Variants in RECQL4 observed in about 807,000 individuals in gnomAD.
RECQL4 encodes RecQ like helicase 4.
Under a neutral mutation model 128.6 loss-of-function variants are expected in RECQL4, and 158 were observed. The ratio of observed to expected loss-of-function variants is 1.23; its 90% CI spans 1.08 to 1.40. The LOEUF is 1.40. RECQL4 is among the 40% of genes most tolerant of loss of function. The pLI is 0.00. For synonymous variants in RECQL4, 996 were observed against 678.9 expected (o/e 1.47, Z -7.26); for missense variants, 2,293 against 1,649.8 (o/e 1.39, Z -6.75).
chr8:144,513,820 CGGTGGGGAGTGAGAAGGGGTCGGCG>C, intron 12 of RECQL4, 83 bp downstream of exon 12: 2 of 1,281,694 alleles, frequency 1.6e-6, no homozygotes, highest in African/African-American at 3.2e-5. Context: ...TCGGCGTGGG[CGGTGGGGAGTGAGAAGGGGTCGGCG>C]TGGGCGGTGG....
rs770042938 is a variant in RECQL4, at chr8:144,515,727, T to C, written c.1258+37A>G. 1.4e-5 allele frequency: 22 copies of C among 1,607,674 alleles called. No individual in the cohort carries two copies. The South Asian group carries it at 1.4e-4, about 11-fold the overall frequency. ...AAAGAGCACTGCGCCCTCTCCACAG[T>C]GTTGGCCGGACCCACCCTCCAGGGC... On this transcript the variant is annotated intron_variant, in intron 6 of 20. Transcript: ENST00000617875.
In RECQL4 at chr8:144,516,039, C is replaced by G. The variant is rs768049351; in HGVS notation, c.1080G>C (p.Gln360His). 1 of 1,612,174 alleles carries G rather than the reference C, an allele frequency of 6.2e-7. No individual in the cohort carries two copies. The highest frequency in any genetic ancestry group is 1.1e-5 in the South Asian group (1 of 91,084). The change falls in exon 5 of 21, where the codon CAG becomes CAC. Residue 360 changes from glutamine to histidine, a missense_variant. Gln to His is a conservative substitution (Grantham distance 24). Coordinates refer to ENST00000617875, the MANE Select transcript of RECQL4 (RefSeq NM_004260.4). Reference sequence around the variant, plus strand: ...GTGCCCGGCCCCGCACGTAGTGTTTCTGCTTCATGTTGAGCCGTACGTAAT... The same window carrying G: ...GTGCCCGGCCCCGCACGTAGTGTTTGTGCTTCATGTTGAGCCGTACGTAAT... ...RGNYVRLNMK[Q>H]KHYVRGRALR...
chr8:144,512,995 AC>A lies in RECQL4; in HGVS notation c.2606del (p.Gly869ValfsTer79). On this transcript the variant is annotated frameshift_variant, in exon 15 of 21. Coordinates refer to ENST00000617875, the MANE Select transcript of RECQL4 (RefSeq NM_004260.4). LOFTEE classifies it high-confidence loss of function. ...GGTACTTGGGCACAGGCCTCTCCCCACCCACGGCCCCTTCCTGCTCCGAGGG... is the reference window on the plus strand; with the variant it reads ...GGTACTTGGGCACAGGCCTCTCCCCACCACGGCCCCTTCCTGCTCCGAGGG... ...RPPSEQEGAV[G>X]GERPVPKYPP... is the part of the protein sequence containing the mutation. 6.4e-7 allele frequency: 1 copy of A among 1,570,126 alleles called. No homozygotes were observed. The highest frequency in any genetic ancestry group is 8.6e-7 in the Non-Finnish European group (1 of 1,158,382).
rs773155492 is a variant in RECQL4 at position 144,513,477 on chromosome 8, C to A, written c.2204G>T (p.Arg735Leu). 6.2e-7 allele frequency: 1 copy of A among 1,609,834 alleles called. No individual in the cohort carries two copies. The highest frequency in any genetic ancestry group is 8.5e-7 in the Non-Finnish European group (1 of 1,179,778). Residue 735 changes from arginine (R) to leucine (L), a missense_variant, in exon 14 of 21, where the codon CGT becomes CTT. Physicochemically the swap from Arg to Leu is moderately radical, Grantham distance 102. Coordinates refer to ENST00000617875, the MANE Select transcript of RECQL4 (RefSeq NM_004260.4). ...GGCCTCGGCTGTGGTTTTGGGGGCA[C>A]GACCTTTGGGGAAGACAGGCAGATG... ...HAAWVPGSGGRAPKTTAEAYH... is the reference protein window; with the variant it reads ...HAAWVPGSGGLAPKTTAEAYH...
chr8:144,514,475 C>A lies in RECQL4; in HGVS notation c.1671G>T (p.Met557Ile). ...CLKAACIHSG[M>I]TRKQRESVLQ... ...GGACAGATTCCCGTTGCTTCCTGGT[C>A]ATGCCCGAGTGTATGCAGGCCGCCT... The change falls in exon 10 of 21, where the codon ATG becomes ATT. Residue 557 changes from methionine (M) to isoleucine (I), a missense_variant. Met to Ile is a conservative substitution (Grantham distance 10). Transcript: ENST00000617875. 6.2e-7 allele frequency: 1 copy of A among 1,612,338 alleles called. No individual in the cohort carries two copies. Among genetic ancestry groups the A allele is most frequent in the South Asian group, 1.1e-5 (1 of 90,996 alleles).
At chr8:144,515,615 C>T (rs1828043531) in intron 6 of RECQL4, 149 bp downstream of exon 6, 1 of 1,437,716 alleles carries the variant, frequency 7.0e-7, no homozygotes, top group Non-Finnish European at 9.5e-7. Flanking sequence ...CATCGTCGTC[C>T]CTGCCACCCT....
intron 3 of RECQL4, 80 bp downstream of exon 3, chr8:144,517,334 G>T: frequency 1.4e-6 from 2 of 1,473,492 alleles, no homozygotes; most frequent in Non-Finnish European, 9.1e-7. Flanking sequence ...CCCCACGGCG[G>T]CCTGGCCGCG....
rs757835027 is a variant in RECQL4, at chr8:144,512,137, T to C, written c.3236+7A>G. ...ATGGTCCCAGGCCCCGCCCGCCTCC[T>C]CCCAACCTGTGAAAGGCCTGGAAGG... On this transcript the variant is annotated splice_region_variant and intron_variant, in intron 18 of 20. Transcript: ENST00000617875. 5 of 1,605,032 alleles carry C rather than the reference T, an allele frequency of 3.1e-6. No homozygotes were observed. Among genetic ancestry groups the C allele is most frequent in the Non-Finnish European group, 4.3e-6 (5 of 1,175,764 alleles).
At chr8:144,516,935 G>A (rs1406864511) in intron 4 of RECQL4, 115 bp downstream of exon 4, 4 of 1,460,324 alleles carry the variant, frequency 2.7e-6, no homozygotes, top group Non-Finnish European at 3.7e-6. Flanking sequence ...GAAGACTCGT[G>A]CCCTGGTTGG....
At position 144,512,232 on chromosome 8, in the gene RECQL4, G is replaced by A. The variant is rs1554896691; in HGVS notation, c.3148C>T (p.Gln1050Ter). ...PGDLTAEEKDQICDFLYGRVQ... is the reference protein window; with the variant it reads ...PGDLTAEEKD Reference sequence around the variant, plus strand: ...CGGCCATAGAGGAAGTCACATATCTGGTCCTTCTCCTCAGCGGTCAAGTCC... The same window carrying A: ...CGGCCATAGAGGAAGTCACATATCTAGTCCTTCTCCTCAGCGGTCAAGTCC... The change falls in exon 18 of 21, where the codon CAG becomes TAG. Residue 1050 changes from glutamine to a stop codon, truncating the protein, a stop_gained. Transcript: ENST00000617875. LOFTEE classifies it high-confidence loss of function. 1.9e-6 allele frequency: 3 copies of A among 1,612,386 alleles called. No individual in the cohort carries two copies. The highest frequency in any genetic ancestry group is 1.7e-5 in the Admixed American group (1 of 60,012).
rs778141083 is a variant in RECQL4 at position 144,513,053 on chromosome 8, AAC to A, written c.2547_2548del (p.Phe850ProfsTer33). 4.4e-6 allele frequency: 7 copies of A among 1,578,490 alleles called. No homozygotes were observed. The Admixed American group carries it at 5.5e-5, about 12-fold the overall frequency. On this transcript the variant is annotated frameshift_variant, in exon 15 of 21. Coordinates refer to ENST00000617875, the MANE Select transcript of RECQL4 (RefSeq NM_004260.4). LOFTEE classifies it high-confidence loss of function. ...GGTGCAGGTGCAGGTGCAGGCTGGG[AAC>A]ACGCGCTGTACCAGCCTCTTCACAG... is the stretch of plus-strand genomic sequence containing the variant.
rs761310564 is a variant in RECQL4, at chr8:144,515,013, G to A, written c.1543C>T (p.Pro515Ser). ...CTGCGCCGGCTGTAGAGCAGCGCTG[G>A]GAGCTGGTAGCACAGGGACTTGCCG... ...GAGKSLCYQL[P>S]ALLYSRRSPC... The change falls in exon 9 of 21, where the codon CCA becomes TCA. Residue 515 changes from proline (P) to serine (S), a missense_variant. Coordinates refer to ENST00000617875, the MANE Select transcript of RECQL4 (RefSeq NM_004260.4). 8 of 1,610,854 alleles carry A rather than the reference G, an allele frequency of 5.0e-6. No homozygotes were observed. Among genetic ancestry groups the A allele is most frequent in the Non-Finnish European group, 6.8e-6 (8 of 1,179,290 alleles).
rs1381844543 is a variant in RECQL4 at position 144,517,469 on chromosome 8, C to G, written c.158G>C (p.Gly53Ala). The part of the protein sequence containing the change: ...REYRTLKRTT[G>A]QAGGGLRSSE... ...GCTGCGGAGCCCGCCGCCGGCCTGG[C>G]CCGTGGTACGCTTCAGAGTGCGGTA... is the stretch of plus-strand genomic sequence containing the variant. Residue 53 changes from glycine (G) to alanine (A), a missense_variant, in exon 3 of 21, where the codon GGC becomes GCC. Gly to Ala is a moderately conservative substitution (Grantham distance 60). Transcript: ENST00000617875. 1.3e-6 allele frequency: 2 copies of G among 1,596,328 alleles called. No individual in the cohort carries two copies. The highest frequency in any genetic ancestry group is 1.7e-6 in the Non-Finnish European group (2 of 1,175,992).
rs1564790911 is a variant in RECQL4 at position 144,512,505 on chromosome 8, C to T, written c.2942G>A (p.Gly981Asp). 1.2e-6 allele frequency: 2 copies of T among 1,612,544 alleles called. No homozygotes were observed. Among genetic ancestry groups the T allele is most frequent in the South Asian group, 1.1e-5 (1 of 91,092 alleles). ...CATGTCAAACTCCACGGAGCTGCTG[C>T]CTTGCCCTGGGTCCTCAGGCAGCTG... Reference protein sequence around the residue: ...AQQLPEDPGQGSSSVEFDMVK... With the variant: ...AQQLPEDPGQDSSSVEFDMVK... The change falls in exon 17 of 21, where the codon GGC becomes GAC. Residue 981 changes from glycine to aspartate, a missense_variant. Gly to Asp is a moderately conservative substitution (Grantham distance 94). Coordinates refer to ENST00000617875, the MANE Select transcript of RECQL4 (RefSeq NM_004260.4).
At chr8:144,514,662 GT>G in intron 9 of RECQL4, 137 bp from the exon 10 acceptor site, 1 of 977,318 alleles carries the variant, frequency 1.0e-6, no homozygotes, top group Non-Finnish European at 1.5e-6. Context: ...AGGGCTAAGG[GT>G]TTAGAGCCAC....
At chr8:144,513,547 A>G (rs369163546) in intron 13 of RECQL4, 24 bp downstream of exon 13, 75 of 1,610,634 alleles carry the variant, frequency 4.7e-5, no homozygotes, top group Non-Finnish European at 6.1e-5. Context: ...GTCCACGGGG[A>G]CACCAGCTCT....
intron 4 of RECQL4, 122 bp downstream of exon 4, chr8:144,516,928 G>A (rs1460653527): frequency 2.8e-6 from 4 of 1,444,094 alleles, no homozygotes; most frequent in Non-Finnish European, 3.7e-6. Flanking sequence ...GCTCCCTGAA[G>A]ACTCGTGCCC....
Position 144,516,112 on chromosome 8 carries a change from G to A in RECQL4, c.1007C>T (p.Thr336Ile), listed in dbSNP as rs1470222070. ...SQARAGKAEG[T>I]APLHIFPRLA... is the part of the protein sequence containing the mutation. ...CCGAGGGAAGATGTGCAGGGGGGCT[G>A]TGCCCTCAGCCTTCCCAGCCCTAGC... is the stretch of plus-strand genomic sequence containing the variant. Residue 336 changes from threonine to isoleucine, a missense_variant, in exon 5 of 21, where the codon ACA becomes ATA. Transcript: ENST00000617875. 6.8e-6 allele frequency: 11 copies of A among 1,612,788 alleles called. No individual in the cohort carries two copies. The highest frequency in any genetic ancestry group is 8.5e-6 in the Non-Finnish European group (10 of 1,179,882).
Position 144,511,944 on chromosome 8 carries a change from C to T in RECQL4, c.3360G>A (p.Glu1120=), listed in dbSNP as rs770246912. ...EEEGQEPGGM[E]DAQGPEPGQA... is the part of the protein sequence containing the mutation. ...GCCCTGGCTCGGGGCCCTGTGCGTCCTCCATGCCTCCCGGCTCCTGCCCTT... is the reference window on the plus strand; with the variant it reads ...GCCCTGGCTCGGGGCCCTGTGCGTCTTCCATGCCTCCCGGCTCCTGCCCTT... The change falls in exon 19 of 21, where the codon GAG becomes GAA. Residue 1120 remains glutamate, a synonymous_variant. Coordinates refer to ENST00000617875, the MANE Select transcript of RECQL4 (RefSeq NM_004260.4). The T allele has an allele frequency of 1.2e-6, 2 of 1,611,462 alleles. No individual in the cohort carries two copies. Among genetic ancestry groups the T allele is most frequent in the East Asian group, 2.2e-5 (1 of 44,882 alleles).
Sources: gnomAD v4.1 joint callset for allele counts on GRCh38, gnomAD v4.1.1 for gene constraint, MANE v1.5 for transcripts, NCBI Gene and HGNC (gene_info 2026-07-23, HGNC 2026-07-21) for gene names.